ANKHD1: variants seen among roughly 807,000 people sequenced by gnomAD.
ANKHD1 encodes the protein ankyrin repeat and KH domain containing 1.
In ANKHD1, 31 loss-of-function variants were observed where a neutral mutation model predicts 230.5. That is an observed-to-expected ratio of 0.13 (90% CI 0.10 to 0.18). ANKHD1 has a LOEUF of 0.18. ANKHD1 is among the 10% of genes least tolerant of loss of function. ANKHD1 has a pLI of 1.00. For missense variants in ANKHD1, 2,256 were observed against 3,071.3 expected, an observed-to-expected ratio of 0.73 and a Z score of 6.27; for synonymous variants, 1,074 against 1,117.6, an observed-to-expected ratio of 0.96 and a Z score of 0.78.
Position 140,485,170 on chromosome 5 carries a change from G to A in ANKHD1, c.1920G>A (p.Ser640=), listed in dbSNP as rs754031552. The stretch of plus-strand genomic sequence containing the variant: ...CCAATAATGATCATACAGTAGTGTC[G>A]CTGGCATGTGCAGGAGGCCACCTGG... ...ATANNDHTVV[S]LACAGGHLAV... is the part of the protein sequence containing the mutation. Residue 640 remains serine, a synonymous_variant, in exon 12 of 34, where the codon TCG becomes TCA. Coordinates refer to ENST00000360839, the MANE Select transcript of ANKHD1 (RefSeq NM_017747.3). The surrounding 1 kb of genome is among the most constrained non-coding windows in gnomAD (Gnocchi z 4.8). The A allele has an allele frequency of 4.3e-6, 7 of 1,613,706 alleles. No homozygotes were observed. The highest frequency in any genetic ancestry group is 2.2e-5 in the South Asian group (2 of 91,078).
intron 10 of ANKHD1, among the ~76,000 whole-genome samples, chr5:140,478,927 A>C (rs1371842876): frequency 1.3e-5 from 2 of 151,982 alleles, no homozygotes. Flanking sequence ...TAAAGGCATG[A>C]GCCACTGAGC....
rs759370612 is a variant in ANKHD1, at chr5:140,449,228, C to T, written c.1165C>T (p.Arg389Cys). 1.4e-5 allele frequency: 22 copies of T among 1,611,770 alleles called. No homozygotes were observed. Among genetic ancestry groups the T allele is most frequent in the African/African-American group, 2.7e-5 (2 of 74,786 alleles). ...ACYKGHLDMV[R>C]FLLEAGADQE... ...TTTTCAAGGCCATTTGGATATGGTT[C>T]GCTTTCTACTTGAAGCTGGTGCAGA... The change falls in exon 7 of 34, where the codon CGC becomes TGC. Residue 389 changes from arginine (R) to cysteine (C), a missense_variant. Transcript: ENST00000360839.
rs1231886409 is a variant in ANKHD1, at chr5:140,433,063, CAAAA to C, written c.307-3034_307-3031del. Among the ~76,000 whole-genome samples, 239 of 147,896 alleles carry C rather than the reference CAAAA, an allele frequency of 1.6e-3. 7 individuals are homozygous for C. Among genetic ancestry groups the C allele is most frequent in the Non-Finnish European group, 2.1e-4 (14 of 66,782 alleles). On this transcript the variant is annotated intron_variant, in intron 1 of 33. Transcript: ENST00000360839. ...CCAAGCCCCACCCCCTTCCCCCCCC[CAAAA>C]AAAAAACGGGGGTTTCTTTTGGAGA...
intron 7 of ANKHD1, among the ~76,000 whole-genome samples, chr5:140,451,463 A>T (rs754853153): frequency 6.6e-6 from 1 of 152,180 alleles, no homozygotes; most frequent in Admixed American, 6.5e-5. Context: ...AGTTAAGTAT[A>T]ATAAAAGTCT....
intron 6 of ANKHD1, among the ~76,000 whole-genome samples, chr5:140,446,568 C>T (rs912451266): frequency 2.6e-5 from 4 of 152,074 alleles, no homozygotes; most frequent in Non-Finnish European, 5.9e-5. Context: ...ACTATGTTGG[C>T]CAGGCTGGTC....
chr5:140,485,740 A>G lies in ANKHD1; in HGVS notation c.2142+8A>G. The G allele has an allele frequency of 6.2e-7, 1 of 1,610,702 alleles. No individual in the cohort carries two copies. On this transcript the variant is annotated splice_region_variant and intron_variant, in intron 13 of 33. Transcript: ENST00000360839. The surrounding 1 kb of genome is among the most constrained non-coding windows in gnomAD (Gnocchi z 4.8). ...TCTCAAGATCAGTCTCAGGTAAAGT[A>G]AAATGGAGCTTGTTTGTTAATATAA... is the stretch of plus-strand genomic sequence containing the variant.
intron 1 of ANKHD1, among the ~76,000 whole-genome samples, chr5:140,421,351 C>T (rs1003899081): frequency 2.9e-5 from 4 of 138,220 alleles, no homozygotes; most frequent in Non-Finnish European, 6.0e-5. Context: ...CCCAGGCTGG[C>T]GTGCAGTGGC....
At chr5:140,438,669 G>T (rs1279062988) in intron 3 of ANKHD1, 52 bp downstream of exon 3, 2 of 1,476,804 alleles carry the variant, frequency 1.4e-6, no homozygotes, top group South Asian at 1.5e-5. Flanking sequence ...ATAGATTTTG[G>T]GGAAGTAGCC....
rs1401688380 is a variant in ANKHD1 at position 140,509,772 on chromosome 5, G to T, written c.3901G>T (p.Asp1301Tyr). Residue 1301 changes from aspartate (D) to tyrosine (Y), a missense_variant, in exon 21 of 34, where the codon GAC (aspartate) becomes TAC (tyrosine). This residue lies in a region of ANKHD1 where 195 missense variants were observed against 340.3 expected (regional missense o/e 0.57). Transcript: ENST00000360839. ...AGATACTGCTTTAACAATAGCAGCA[G>T]ACAAAGGTCACTACAAATTTTGTGA... ...SRDTALTIAADKGHYKFCELL... is the reference protein window; with the variant it reads ...SRDTALTIAAYKGHYKFCELL... 1 of 1,612,270 alleles carries T rather than the reference G, an allele frequency of 6.2e-7. No individual in the cohort carries two copies. Among genetic ancestry groups the T allele is most frequent in the Non-Finnish European group, 8.5e-7 (1 of 1,179,624 alleles).
At chr5:140,481,469 A>G (rs1751271874) in intron 10 of ANKHD1, among the ~76,000 whole-genome samples, 1 of 152,104 alleles carries the variant, frequency 6.6e-6, no homozygotes, top group Non-Finnish European at 1.5e-5. Flanking sequence ...GTTTAATGAT[A>G]CTACACTGTC....
At chr5:140,426,271 G>A (rs905954559) in intron 1 of ANKHD1, among the ~76,000 whole-genome samples, 1 of 152,126 alleles carries the variant, frequency 6.6e-6, no homozygotes, top group Non-Finnish European at 1.5e-5. Flanking sequence ...TGGGACTACA[G>A]GCACACACCA....
intron 1 of ANKHD1, among the ~76,000 whole-genome samples, chr5:140,412,004 G>A (rs544538629): frequency 2.5e-4 from 38 of 151,702 alleles, no homozygotes; most frequent in Non-Finnish European, 4.6e-4. Context: ...GACCACAGGC[G>A]CACACCACCG....
intron 1 of ANKHD1, among the ~76,000 whole-genome samples, chr5:140,413,639 T>C (rs1771112819): frequency 6.6e-6 from 1 of 152,256 alleles, no homozygotes; most frequent in Non-Finnish European, 1.5e-5. Context: ...TCTTCAGGGT[T>C]AATCCAGTTG....
In ANKHD1 at chr5:140,527,235, A is replaced by G; in HGVS notation, c.5087+161A>G. 1 of 1,206,588 alleles carries G rather than the reference A, an allele frequency of 8.3e-7. No homozygotes were observed. The highest frequency in any genetic ancestry group is 2.4e-5 in the South Asian group (1 of 41,050). The allele number at this position is 1,206,588 out of a possible 1,614,324, so 74.7% of individuals were successfully genotyped here. A position where few individuals can be genotyped will look rare whatever the true frequency, so the allele number is the denominator to read the frequency against. On this transcript the variant is annotated intron_variant, in intron 27 of 33. Transcript: ENST00000360839. This position sits in a 1 kb window ranked among gnomAD's most constrained non-coding sequence, Gnocchi z 4.5. ...ATGCTAAAGCAAAATTAGAAGCAGTATGTAAATTTTGCATGCATATTTTAT... is the reference window on the plus strand; with the variant it reads ...ATGCTAAAGCAAAATTAGAAGCAGTGTGTAAATTTTGCATGCATATTTTAT...
intron 1 of ANKHD1, among the ~76,000 whole-genome samples, chr5:140,415,815 T>A (rs1344425087): frequency 6.6e-6 from 1 of 152,050 alleles, no homozygotes; most frequent in East Asian, 1.9e-4. Flanking sequence ...TACTTTAAGT[T>A]CTAGGGTACA....
At chr5:140,517,759 C>T (rs1753103040) in intron 24 of ANKHD1, among the ~76,000 whole-genome samples, 1 of 148,632 alleles carries the variant, frequency 6.7e-6, no homozygotes, top group African/African-American at 2.5e-5. Flanking sequence ...AAGGACACAA[C>T]ATACCAGAAT....
intron 1 of ANKHD1, among the ~76,000 whole-genome samples, chr5:140,410,356 C>G (rs1411654054): frequency 5.3e-5 from 8 of 152,102 alleles, no homozygotes; most frequent in Non-Finnish European, 1.0e-4. Context: ...TGAGTTTAAG[C>G]ACATTCCTTT....
chr5:140,448,875 C>T (rs1249063019), intron 6 of ANKHD1, among the ~76,000 whole-genome samples: 1 of 152,088 alleles, frequency 6.6e-6, no homozygotes, highest in Admixed American at 6.5e-5. Context: ...TATATGATGC[C>T]AAGATACTTT....
intron 11 of ANKHD1, among the ~76,000 whole-genome samples, chr5:140,484,104 T>C (rs1751404473): frequency 6.6e-6 from 1 of 152,196 alleles, no homozygotes; most frequent in Non-Finnish European, 1.5e-5. Flanking sequence ...ATTGCTGCGT[T>C]TTACCTTTCC....
Sources: gnomAD v4.1 joint callset for allele counts (sites outside exome capture counted in the v4.1 genomes callset) on GRCh38, gnomAD v4.1.1 for gene constraint, gnomAD v4.1.1 regional missense constraint, Gnocchi (gnomAD v3.1) non-coding constraint, MANE v1.5 for transcripts, NCBI Gene and HGNC (gene_info 2026-07-23, HGNC 2026-07-21) for gene names.